ENOX1: variants seen among roughly 807,000 people sequenced by gnomAD.
ENOX1 encodes the protein ecto-NOX disulfide-thiol exchanger 1.
A neutral mutation model predicts 82.5 loss-of-function variants in ENOX1; 42 were observed. The ratio of observed to expected loss-of-function variants is 0.51; its 90% CI spans 0.40 to 0.66. The LOEUF is 0.66. Among genes scored for constraint, ENOX1 ranks in the 30% least tolerant of loss-of-function variants. The pLI, the probability that ENOX1 is intolerant of heterozygous loss-of-function variation, is 0.00. For missense variants in ENOX1, 608 were observed against 811.6 expected, an observed-to-expected ratio of 0.75 and a Z score of 3.05; for synonymous variants, 271 against 282.2, an observed-to-expected ratio of 0.96 and a Z score of 0.40.
intron 2 of ENOX1, among the ~76,000 whole-genome samples, chr13:43,537,200 G>A (rs2078499691): frequency 6.6e-6 from 1 of 152,104 alleles, no homozygotes; most frequent in Non-Finnish European, 1.5e-5. Flanking sequence ...TCCACTGATG[G>A]GAGATAATAC....
intron 1 of ENOX1, among the ~76,000 whole-genome samples, chr13:43,687,884 T>C (rs559598534): frequency 2.6e-5 from 4 of 152,152 alleles, no homozygotes; most frequent in South Asian, 2.1e-4. Context: ...CTAGACAACA[T>C]ACCTTTTACA....
intron 1 of ENOX1, among the ~76,000 whole-genome samples, chr13:43,732,700 G>T (rs1318235733): frequency 6.6e-6 from 1 of 152,160 alleles, no homozygotes; most frequent in East Asian, 1.9e-4. Flanking sequence ...TCTTAAATGA[G>T]AATCCACACA....
intron 5 of ENOX1, among the ~76,000 whole-genome samples, chr13:43,411,221 G>A (rs1189574619): frequency 4.6e-5 from 7 of 151,942 alleles, no homozygotes; most frequent in Non-Finnish European, 1.0e-4. Context: ...AGAGAGAAAG[G>A]CTCTTCAAAG....
chr13:43,430,927 T>C (rs1268792468), intron 3 of ENOX1, among the ~76,000 whole-genome samples: 3 of 152,202 alleles, frequency 2.0e-5, no homozygotes, highest in African/African-American at 7.2e-5. Flanking sequence ...TTTTGCATTG[T>C]GTGGAGAAGT....
intron 1 of ENOX1, among the ~76,000 whole-genome samples, chr13:43,770,145 T>C (rs1022143640): frequency 6.6e-6 from 1 of 152,268 alleles, no homozygotes; most frequent in Admixed American, 6.5e-5. Flanking sequence ...ATTAGCTGCC[T>C]AGTCAGTGAG....
At chr13:43,540,417 G>A (rs1408416295) in intron 2 of ENOX1, among the ~76,000 whole-genome samples, 1 of 151,956 alleles carries the variant, frequency 6.6e-6, no homozygotes, top group African/African-American at 2.4e-5. Flanking sequence ...GCAGGCTCTC[G>A]AATGCAGTTT....
chr13:43,691,698 CTT>C (rs567406882), intron 1 of ENOX1, among the ~76,000 whole-genome samples: 7 of 135,658 alleles, frequency 5.2e-5, no homozygotes, highest in Admixed American at 7.5e-5. Flanking sequence ...AGCCCACAGA[CTT>C]TTTTTTTTTT....
intron 1 of ENOX1, among the ~76,000 whole-genome samples, chr13:43,755,187 G>A (rs1247275729): frequency 6.6e-6 from 1 of 152,010 alleles, no homozygotes; most frequent in Non-Finnish European, 1.5e-5. Context: ...TAATTGAAAG[G>A]ATTTTTGGTT....
chr13:43,717,136 G>A (rs1182958511), intron 1 of ENOX1, among the ~76,000 whole-genome samples: 5 of 152,004 alleles, frequency 3.3e-5, no homozygotes, highest in African/African-American at 9.7e-5. Flanking sequence ...ACCTGACTTC[G>A]AACTATACTT....
intron 2 of ENOX1, among the ~76,000 whole-genome samples, chr13:43,608,087 T>C (rs990935632): frequency 6.6e-6 from 1 of 152,222 alleles, no homozygotes; most frequent in Non-Finnish European, 1.5e-5. Flanking sequence ...TATGTGTTCC[T>C]GAAAAATACT....
chr13:43,357,164 G>T (rs1471120572), intron 7 of ENOX1, among the ~76,000 whole-genome samples: 2 of 152,178 alleles, frequency 1.3e-5, no homozygotes, highest in Admixed American at 6.5e-5. Context: ...GCTGCTGGGG[G>T]CTGCCAGAGG....
intron 11 of ENOX1, among the ~76,000 whole-genome samples, chr13:43,309,764 T>G (rs1185676957): frequency 6.6e-6 from 1 of 152,176 alleles, no homozygotes; most frequent in Non-Finnish European, 1.5e-5. Context: ...TTCAGACATT[T>G]AAACCCTCTA....
intron 3 of ENOX1, among the ~76,000 whole-genome samples, chr13:43,482,684 G>A (rs2058552926): frequency 6.6e-6 from 1 of 151,790 alleles, no homozygotes; most frequent in South Asian, 2.1e-4. Flanking sequence ...AAGGAAATTG[G>A]ATCCCTGGGT....
intron 9 of ENOX1, among the ~76,000 whole-genome samples, chr13:43,340,222 G>T (rs2048974479): frequency 6.6e-6 from 1 of 152,218 alleles, no homozygotes; most frequent in South Asian, 2.1e-4. Flanking sequence ...AGAAGAGAAT[G>T]GAAAGTTCTG....
intron 3 of ENOX1, among the ~76,000 whole-genome samples, chr13:43,468,771 T>C (rs1460181742): frequency 1.3e-5 from 2 of 152,242 alleles, no homozygotes; most frequent in Non-Finnish European, 2.9e-5. Flanking sequence ...ATTTAGGTCA[T>C]GATTAATCTC....
At chr13:43,528,559 TTA>T (rs531524333) in intron 2 of ENOX1, among the ~76,000 whole-genome samples, 90 of 152,242 alleles carry the variant, frequency 5.9e-4, no homozygotes, top group African/African-American at 2.0e-3. Flanking sequence ...AATTTCAAAA[TTA>T]TGAGTATTTT....
At chr13:43,472,301 T>C (rs994853868) in intron 3 of ENOX1, among the ~76,000 whole-genome samples, 2 of 152,158 alleles carry the variant, frequency 1.3e-5, no homozygotes, top group African/African-American at 4.8e-5. Flanking sequence ...AAGAAGACAA[T>C]GTTTGCACAC....
chr13:43,517,541 G>C (rs2077601222), intron 2 of ENOX1, among the ~76,000 whole-genome samples: 1 of 152,094 alleles, frequency 6.6e-6, no homozygotes, highest in Non-Finnish European at 1.5e-5. Context: ...CAAGTTTCAT[G>C]TGAAATATGG....
intron 9 of ENOX1, among the ~76,000 whole-genome samples, chr13:43,339,074 G>T (rs1313468296): frequency 1.3e-5 from 2 of 152,138 alleles, no homozygotes; most frequent in Non-Finnish European, 2.9e-5. Context: ...GCTGGTCCTG[G>T]GGTGAAGACC....
Sources: allele counts gnomAD v4.1 joint callset (sites outside exome capture counted in the v4.1 genomes callset), GRCh38; gene constraint gnomAD v4.1.1; transcripts MANE v1.5; gene names NCBI Gene and HGNC (gene_info 2026-07-23, HGNC 2026-07-21).